The following HS6ST3 variants were observed in gnomAD, a reference collection of about 807,000 sequenced individuals.
HS6ST3 encodes heparan sulfate 6-O-sulfotransferase 3, also known as heparan-sulfate 6-O-sulfotransferase 3.
In HS6ST3, 12 loss-of-function variants were observed where a neutral mutation model predicts 36.7. The ratio of observed to expected loss-of-function variants is 0.33; its 90% CI spans 0.21 to 0.53. HS6ST3 has a LOEUF of 0.53. Among genes scored for constraint, HS6ST3 ranks in the 20% least tolerant of loss-of-function variants. The pLI is 0.95. For missense variants in HS6ST3, 584 were observed against 640.9 expected, an observed-to-expected ratio of 0.91 and a Z score of 0.96; for synonymous variants, 240 against 257.5, an observed-to-expected ratio of 0.93 and a Z score of 0.65.
At chr13:96,704,047 A>G (rs1264133398) in intron 1 of HS6ST3, among the ~76,000 whole-genome samples, 1 of 152,192 alleles carries the variant, frequency 6.6e-6, no homozygotes, top group Non-Finnish European at 1.5e-5. Context: ...CTCTTTCGTT[A>G]TAAATTGTCT....
At chr13:96,624,280 CT>C (rs1201646337) in intron 1 of HS6ST3, among the ~76,000 whole-genome samples, 1 of 152,150 alleles carries the variant, frequency 6.6e-6, no homozygotes, top group African/African-American at 2.4e-5. Flanking sequence ...AGAATTTTTA[CT>C]TCCTTCAAAG....
At chr13:96,432,324 A>G (rs2055619750) in intron 1 of HS6ST3, among the ~76,000 whole-genome samples, 1 of 152,210 alleles carries the variant, frequency 6.6e-6, no homozygotes, top group African/African-American at 2.4e-5. Context: ...TAATACTGAG[A>G]AACTTTATAG....
intron 1 of HS6ST3, among the ~76,000 whole-genome samples, chr13:96,691,402 C>T (rs1459315932): frequency 6.6e-6 from 1 of 152,010 alleles, no homozygotes; most frequent in Non-Finnish European, 1.5e-5. Context: ...TTTCTTACCA[C>T]TGGTAGTCAT....
At chr13:96,413,983 G>A (rs1038633004) in intron 1 of HS6ST3, among the ~76,000 whole-genome samples, 1 of 152,184 alleles carries the variant, frequency 6.6e-6, no homozygotes, top group East Asian at 1.9e-4. Context: ...AAGCAACAAA[G>A]TGTTACATAA....
At chr13:96,136,931 A>C (rs1486043747) in intron 1 of HS6ST3, among the ~76,000 whole-genome samples, 9 of 152,006 alleles carry the variant, frequency 5.9e-5, no homozygotes, top group Admixed American at 1.3e-4. Flanking sequence ...GTGGTGTGAA[A>C]GGGTCATGCT....
chr13:96,836,396 C>T lies in HS6ST3; in HGVS notation c.*3198C>T, dbSNP rs138793793. ...ACTTATCTATTCTGTCTCCTTCTAG[C>T]TTTTAGGCAGCCTACTCTTGGAAAC... is the stretch of plus-strand genomic sequence containing the variant. On this transcript the variant is annotated 3_prime_UTR_variant, in exon 2 of 2. Transcript: ENST00000376705. 6.6e-6 allele frequency: 1 copy of T among 152,208 alleles called. No homozygotes were observed. The highest frequency in any genetic ancestry group is 2.4e-5 in the African/African-American group (1 of 41,528). 9.4% of individuals were successfully genotyped at this position (152,208 alleles called of 1,614,324 possible).
chr13:96,765,588 TTCTCTCTCTCTCTCTCTCTCTC>T (rs58979172), intron 1 of HS6ST3, among the ~76,000 whole-genome samples: 6 of 142,596 alleles, frequency 4.2e-5, no homozygotes, highest in African/African-American at 1.5e-4. Flanking sequence ...CTCTCTCTCT[TTCTCTCTCTCTCTCTCTCTCTC>T]TCTCTCTCTC....
chr13:96,734,470 A>T lies in HS6ST3; in HGVS notation c.708-98020A>T, dbSNP rs548801914. The stretch of plus-strand genomic sequence containing the variant: ...TTCAAGAATGCAGTTCTTATAGATT[A>T]AAGTAACTATTTGTTAGAGAGGAGG... On this transcript the variant is annotated intron_variant, in intron 1 of 1. Coordinates refer to ENST00000376705, the MANE Select transcript of HS6ST3 (RefSeq NM_153456.4). Among the ~76,000 whole-genome samples, 423 of 152,348 alleles carry T rather than the reference A, an allele frequency of 2.8e-3. 2 individuals carry two copies. The highest frequency in any genetic ancestry group is 9.0e-3 in the African/African-American group (376 of 41,574).
intron 1 of HS6ST3, among the ~76,000 whole-genome samples, chr13:96,650,211 G>T (rs1240145954): frequency 6.6e-6 from 1 of 151,872 alleles, no homozygotes; most frequent in African/African-American, 2.4e-5. Flanking sequence ...ACAAATATAT[G>T]TCATACCTAT....
chr13:96,560,220 G>A (rs1213030627), intron 1 of HS6ST3, among the ~76,000 whole-genome samples: 1 of 152,182 alleles, frequency 6.6e-6, no homozygotes, highest in Non-Finnish European at 1.5e-5. Flanking sequence ...GTGCTTATTA[G>A]TGGCCATGTG....
chr13:96,270,751 G>A (rs917596134), intron 1 of HS6ST3, among the ~76,000 whole-genome samples: 1 of 151,798 alleles, frequency 6.6e-6, no homozygotes, highest in Non-Finnish European at 1.5e-5. Context: ...ACTGGAGACT[G>A]GGAAAAAAAA....
chr13:96,408,625 C>T (rs1340507352), intron 1 of HS6ST3, among the ~76,000 whole-genome samples: 1 of 151,892 alleles, frequency 6.6e-6, no homozygotes, highest in Non-Finnish European at 1.5e-5. Flanking sequence ...AGAAGCAAGA[C>T]AAAAATATGC....
intron 1 of HS6ST3, among the ~76,000 whole-genome samples, chr13:96,360,272 A>G (rs1448470473): frequency 6.6e-6 from 1 of 151,352 alleles, no homozygotes; most frequent in East Asian, 2.0e-4. Context: ...ATCTGGGCCA[A>G]AAGTATAGGC....
intron 1 of HS6ST3, among the ~76,000 whole-genome samples, chr13:96,459,065 C>T (rs2055768365): frequency 7.3e-6 from 1 of 137,008 alleles, no homozygotes; most frequent in Non-Finnish European, 1.5e-5. Context: ...GATTGTGTCA[C>T]TACTCTCCAG....
At chr13:96,800,240 AT>A (rs1878035054) in intron 1 of HS6ST3, among the ~76,000 whole-genome samples, 1 of 151,134 alleles carries the variant, frequency 6.6e-6, no homozygotes, top group African/African-American at 2.4e-5. Flanking sequence ...GCTCAATATT[AT>A]GTGTTATGTG....
intron 1 of HS6ST3, among the ~76,000 whole-genome samples, chr13:96,769,316 T>TTTTAGGGTA (rs1877198770): frequency 6.6e-6 from 1 of 152,084 alleles, no homozygotes; most frequent in East Asian, 1.9e-4. Flanking sequence ...TTTATTATAC[T>TTTTAGGGTA]TTAAGTTTTA....
At chr13:96,246,654 T>TGA (rs2054586230) in intron 1 of HS6ST3, among the ~76,000 whole-genome samples, 1 of 152,190 alleles carries the variant, frequency 6.6e-6, no homozygotes, top group South Asian at 2.1e-4. Context: ...GTTTGTTTCC[T>TGA]TTTTTGTGTG....
At chr13:96,482,456 C>A (rs891495702) in intron 1 of HS6ST3, among the ~76,000 whole-genome samples, 5 of 140,566 alleles carry the variant, frequency 3.6e-5, no homozygotes, top group African/African-American at 1.0e-4. Context: ...TTTTATTTTT[C>A]TTTTTTTTTT....
At chr13:96,504,608 G>C (rs1057302288) in intron 1 of HS6ST3, among the ~76,000 whole-genome samples, 4 of 151,972 alleles carry the variant, frequency 2.6e-5, no homozygotes, top group Non-Finnish European at 5.9e-5. Context: ...AATCAGCTAT[G>C]GTACAGAATG....
Sources: gnomAD v4.1 joint callset for allele counts (sites outside exome capture counted in the v4.1 genomes callset) on GRCh38, gnomAD v4.1.1 for gene constraint, MANE v1.5 for transcripts, NCBI Gene and HGNC (gene_info 2026-07-23, HGNC 2026-07-21) for gene names.